C4BPB: variants seen among roughly 807,000 people sequenced by gnomAD.
C4BPB encodes complement component 4 binding protein beta, also known as C4b-binding protein beta chain.
In C4BPB, 19 loss-of-function variants were observed where a neutral mutation model predicts 26.6. That is an observed-to-expected ratio of 0.71 (90% confidence interval 0.50 to 1.05). C4BPB has a LOEUF of 1.05. Among genes scored for constraint, C4BPB ranks in the 50% least tolerant of loss-of-function variants. C4BPB has a pLI of 0.00. For missense variants in C4BPB, 282 were observed against 302.9 expected, an observed-to-expected ratio of 0.93 and a Z score of 0.51; for synonymous variants, 118 against 103.5, an observed-to-expected ratio of 1.14 and a Z score of -0.85.
rs559458196 is a variant in C4BPB, at chr1:207,096,534, C to T, written c.422C>T (p.Pro141Leu). The T allele has an allele frequency of 3.1e-6, 5 of 1,605,224 alleles. No homozygotes were observed. In the African/African-American group the frequency reaches 6.7e-5, roughly 22 times the overall value. Residue 141 changes from proline to leucine, a missense_variant, in exon 5 of 7, where the codon CCT becomes CTT. Coordinates refer to ENST00000367078, the MANE Select transcript of C4BPB (RefSeq NM_001017365.3). ...TCGTTTCTCTCAGGGGACTGTGACC[C>T]TCCTGGGAATCCAGTTCATGGCTAT... ...FPICKSRDCD[P>L]PGNPVHGYFE... is the part of the protein sequence containing the mutation.
chr1:207,090,226 G>A (rs1482964500), intron 2 of C4BPB, 82 bp from the exon 3 acceptor site: 2 of 1,091,742 alleles, frequency 1.8e-6, no homozygotes, highest in East Asian at 5.1e-5. Flanking sequence ...CCAGCAAAAA[G>A]ACATGAGAAT....
rs1684404247 is a variant in C4BPB at position 207,099,955 on chromosome 1, A to C, written c.*26A>C. On this transcript the variant is annotated 3_prime_UTR_variant, in exon 7 of 7. Transcript: ENST00000367078. ...CACTACAGCTGAGCAGATGTAATAG[A>C]AATAAACCTATGAATAAATTTTCTT... 3 of 1,575,440 alleles carry C rather than the reference A, an allele frequency of 1.9e-6. No homozygotes were observed. Among genetic ancestry groups the C allele is most frequent in the South Asian group, 2.3e-5 (2 of 85,448 alleles).
chr1:207,089,735 C>T (rs1332921813), intron 2 of C4BPB, 146 bp downstream of exon 2: 2 of 679,244 alleles, frequency 2.9e-6, no homozygotes, highest in East Asian at 5.4e-5. Context: ...GCCTAATGCT[C>T]TGCACTCAAT....
At position 207,090,319 on chromosome 1, in the gene C4BPB, C is replaced by A; in HGVS notation, c.70C>A (p.Pro24Thr). ...CTTTTTTCTTCCAGCAGAGCACTGT[C>A]CAGAGCTTCCTCCAGTGGACAATAG... ...RVSASDAEHC[P>T]ELPPVDNSIF... Residue 24 changes from proline to threonine, a missense_variant, in exon 3 of 7, where the codon CCA (proline) becomes ACA (threonine). By Grantham distance (38) the Pro-to-Thr change is conservative. Coordinates refer to ENST00000367078, the MANE Select transcript of C4BPB (RefSeq NM_001017365.3). The A allele has an allele frequency of 6.2e-7, 1 of 1,612,352 alleles. No homozygotes were observed. The highest frequency in any genetic ancestry group is 8.5e-7 in the Non-Finnish European group (1 of 1,179,342).
At position 207,096,617 on chromosome 1, in the gene C4BPB, TA is replaced by T; in HGVS notation, c.503+4del. 2 of 1,530,054 alleles carry T rather than the reference TA, an allele frequency of 1.3e-6. No individual in the cohort carries two copies. Among genetic ancestry groups the T allele is most frequent in the Non-Finnish European group, 1.8e-6 (2 of 1,111,224 alleles). 94.8% of individuals were successfully genotyped at this position (1,530,054 alleles called of 1,614,324 possible). A position where few individuals can be genotyped will look rare whatever the true frequency, so the allele number is the denominator to read the frequency against. On this transcript the variant is annotated splice_donor_region_variant and intron_variant, in intron 5 of 6. Transcript: ENST00000367078. ...CATTAGTTATTACTGTGAAGACAGGTAAGTGAACACAGCCTGTCAAATGCCA... is the reference window on the plus strand; with the variant it reads ...CATTAGTTATTACTGTGAAGACAGGTAGTGAACACAGCCTGTCAAATGCCA...
chr1:207,096,255 G>A (rs1256397248), intron 4 of C4BPB: 1 of 412,052 alleles, frequency 2.4e-6, no homozygotes, highest in South Asian at 2.8e-5. Context: ...AGCTCCTGCT[G>A]TCAGATAATA....
chr1:207,097,299 G>T (rs1684290437), intron 5 of C4BPB, among the ~76,000 whole-genome samples: 1 of 151,798 alleles, frequency 6.6e-6, no homozygotes, highest in East Asian at 1.9e-4. Context: ...TGCAACCTCT[G>T]CCTCCTAGGC....
At chr1:207,090,170 A>T in intron 2 of C4BPB, 138 bp from the exon 3 acceptor site, 1 of 652,972 alleles carries the variant, frequency 1.5e-6, no homozygotes, top group Non-Finnish European at 2.5e-6. Flanking sequence ...ACTTGGGAGT[A>T]GAATACAGAG....
chr1:207,091,128 A>G (rs1684007166), intron 3 of C4BPB, among the ~76,000 whole-genome samples: 1 of 152,210 alleles, frequency 6.6e-6, no homozygotes, highest in Admixed American at 6.5e-5. Flanking sequence ...GAATAGTTGC[A>G]TTAGTTCTCT....
In C4BPB at chr1:207,090,227, A is replaced by T. The variant is rs1683970904; in HGVS notation, c.59-81A>T. 3 of 1,091,874 alleles carry T rather than the reference A, an allele frequency of 2.7e-6. No individual in the cohort carries two copies. In the South Asian group the frequency reaches 4.9e-5, roughly 18 times the overall value. 67.6% of individuals were successfully genotyped at this position (1,091,874 alleles called of 1,614,324 possible). On this transcript the variant is annotated intron_variant, in intron 2 of 6. Transcript: ENST00000367078. ...TCAGGATCAATAATCCAGCAAAAAG[A>T]CATGAGAATGGGGAAATCTAATAAG... is the stretch of plus-strand genomic sequence containing the variant.
intron 6 of C4BPB, among the ~76,000 whole-genome samples, chr1:207,098,589 C>T (rs187882628): frequency 5.0e-4 from 76 of 152,164 alleles, no homozygotes; most frequent in Non-Finnish European, 4.6e-4. Flanking sequence ...GACTTTTCCA[C>T]GGATGGGGGT....
At chr1:207,090,224 A>G in intron 2 of C4BPB, 84 bp from the exon 3 acceptor site, 1 of 1,080,000 alleles carries the variant, frequency 9.3e-7, no homozygotes, top group Non-Finnish European at 1.3e-6. Context: ...ATCCAGCAAA[A>G]AGACATGAGA....
At chr1:207,090,605 C>T (rs768463598) in intron 3 of C4BPB, 124 bp downstream of exon 3, 1 of 806,930 alleles carries the variant, frequency 1.2e-6, no homozygotes, top group Non-Finnish European at 1.9e-6. Flanking sequence ...TCTAGGAGAC[C>T]TCTTTTAAAG....
chr1:207,098,113 A>C, intron 5 of C4BPB, 37 bp from the exon 6 acceptor site: 1 of 1,530,972 alleles, frequency 6.5e-7, no homozygotes, highest in Non-Finnish European at 9.0e-7. Flanking sequence ...CAATTCAGAA[A>C]GTGGAAAAGC....
At chr1:207,092,445 G>A (rs1410085919) in intron 4 of C4BPB, among the ~76,000 whole-genome samples, 2 of 151,350 alleles carry the variant, frequency 1.3e-5, no homozygotes, top group Admixed American at 1.3e-4. Flanking sequence ...CTATATACAT[G>A]GCCACTTTCC....
rs1683935765 is a variant in C4BPB, at chr1:207,089,502, C to A, written c.-30C>A. ...ACCAGGTGTCTGAGCTGGGTGAATT[C>A]CAGCCTGGGGAGAGGACTTTGATCA... On this transcript the variant is annotated 5_prime_UTR_variant, in exon 2 of 7. Transcript: ENST00000367078. The A allele has an allele frequency of 1.2e-6, 2 of 1,611,260 alleles. No homozygotes were observed. Among genetic ancestry groups the A allele is most frequent in the African/African-American group, 1.3e-5 (1 of 74,944 alleles).
chr1:207,091,336 G>A (rs1420126567), intron 3 of C4BPB, among the ~76,000 whole-genome samples: 4 of 152,160 alleles, frequency 2.6e-5, no homozygotes, highest in East Asian at 1.9e-4. Flanking sequence ...TCACTATTTT[G>A]AGCCATGCTT....
At chr1:207,098,021 T>A in intron 5 of C4BPB, 129 bp from the exon 6 acceptor site, 1 of 717,278 alleles carries the variant, frequency 1.4e-6, no homozygotes, top group South Asian at 1.7e-5. Context: ...TAAGCATGCA[T>A]TGAGGCTCAA....
At chr1:207,096,342 AGG>A in intron 4 of C4BPB, 178 bp from the exon 5 acceptor site, 1 of 603,878 alleles carries the variant, frequency 1.7e-6, no homozygotes, top group East Asian at 3.0e-5. Context: ...TTAGAAGAGA[AGG>A]AAATGAATGA....
Sources: allele counts gnomAD v4.1 joint callset (sites outside exome capture counted in the v4.1 genomes callset), GRCh38; gene constraint gnomAD v4.1.1; transcripts MANE v1.5; gene names NCBI Gene and HGNC (gene_info 2026-07-23, HGNC 2026-07-21).